Variants in PTCHD4 observed in about 807,000 individuals in gnomAD.
The protein encoded by PTCHD4 is patched domain containing 4.
Under a neutral mutation model 58.1 loss-of-function variants are expected in PTCHD4, and 33 were observed. The ratio of observed to expected loss-of-function variants is 0.57; its 90% confidence interval spans 0.43 to 0.76. The LOEUF (loss-of-function observed/expected upper bound fraction) is 0.76. PTCHD4 is among the 30% of genes least tolerant of loss of function. The pLI is 0.00. For synonymous variants in PTCHD4, 478 were observed against 409.6 expected (o/e 1.17, Z -2.02); for missense variants, 1,058 against 1,027.1 (o/e 1.03, Z -0.41).
At chr6:48,038,337 A>G (rs975139993) in intron 3 of PTCHD4, among the ~76,000 whole-genome samples, 2 of 152,056 alleles carry the variant, frequency 1.3e-5, no homozygotes, top group Admixed American at 1.3e-4. Context: ...GTTCTAAGGA[A>G]AGGAAGAAAG....
chr6:48,059,481 A>G (rs1764538443), intron 3 of PTCHD4, among the ~76,000 whole-genome samples: 1 of 152,060 alleles, frequency 6.6e-6, no homozygotes, highest in African/African-American at 2.4e-5. Flanking sequence ...TCTACTAAAA[A>G]TACAAAAATT....
rs1410037093 is a variant in PTCHD4, at chr6:47,994,397, C to T, written c.898+14237G>A. On this transcript the variant is annotated intron_variant, in intron 4 of 4. Transcript: ENST00000339488. The stretch of plus-strand genomic sequence containing the variant: ...AATTCCTCCTATATTGTCCTAGGCC[C>T]TCTACTAGTTGCCTGGGACACAAAA... Among the ~76,000 whole-genome samples, 6 of 152,288 alleles carry T rather than the reference C, an allele frequency of 3.9e-5. No individual in the cohort carries two copies. In the South Asian group the frequency reaches 1.2e-3, roughly 32 times the overall value.
chr6:48,042,222 T>G (rs1369831511), intron 3 of PTCHD4, among the ~76,000 whole-genome samples: 1 of 152,102 alleles, frequency 6.6e-6, no homozygotes, highest in South Asian at 2.1e-4. Flanking sequence ...ACCACTCACG[T>G]TGAGCAATTA....
chr6:47,901,597 G>A (rs1764706402), intron 4 of PTCHD4: 2 of 1,058,366 alleles, frequency 1.9e-6, no homozygotes, highest in Non-Finnish European at 2.3e-6. Flanking sequence ...AGTTTCCCAT[G>A]AGAGGAGTCA....
intron 4 of PTCHD4, among the ~76,000 whole-genome samples, chr6:47,968,819 G>C (rs1220158287): frequency 6.6e-6 from 1 of 152,116 alleles, no homozygotes; most frequent in Non-Finnish European, 1.5e-5. Flanking sequence ...ATGAAAATGA[G>C]AGAGAAAGAG....
intron 4 of PTCHD4, among the ~76,000 whole-genome samples, chr6:47,956,926 G>A (rs1766884924): frequency 6.6e-6 from 1 of 151,998 alleles, no homozygotes; most frequent in Non-Finnish European, 1.5e-5. Context: ...CACTTTGGGA[G>A]GCCGAGGAGG....
intron 1 of PTCHD4, among the ~76,000 whole-genome samples, chr6:48,073,845 G>T (rs879336128): frequency 4.6e-5 from 7 of 152,178 alleles, no homozygotes; most frequent in Admixed American, 1.3e-4. Context: ...TAACCTCCAG[G>T]GAGGCTGAAA....
intron 4 of PTCHD4, among the ~76,000 whole-genome samples, chr6:47,970,140 A>G (rs1407323582): frequency 6.6e-6 from 1 of 152,194 alleles, no homozygotes; most frequent in Non-Finnish European, 1.5e-5. Flanking sequence ...GGAAGCTACA[A>G]GAAGAGAAGG....
intron 4 of PTCHD4, among the ~76,000 whole-genome samples, chr6:47,927,050 G>A (rs1324149726): frequency 6.6e-6 from 1 of 151,998 alleles, no homozygotes; most frequent in African/African-American, 2.4e-5. Flanking sequence ...CAGGGAAGAG[G>A]CTGTACCCAC....
At chr6:48,065,361 T>C (rs1223285217) in intron 3 of PTCHD4, among the ~76,000 whole-genome samples, 1 of 152,100 alleles carries the variant, frequency 6.6e-6, no homozygotes. Context: ...TTGGTCAGAG[T>C]TGGGAAGAGT....
At chr6:48,042,916 T>A (rs1286583092) in intron 3 of PTCHD4, among the ~76,000 whole-genome samples, 1 of 151,914 alleles carries the variant, frequency 6.6e-6, no homozygotes. Context: ...CTAGGAATAG[T>A]AGCCAAAAAG....
chr6:48,002,658 T>C (rs1040635630), intron 4 of PTCHD4, among the ~76,000 whole-genome samples: 1 of 151,982 alleles, frequency 6.6e-6, no homozygotes, highest in African/African-American at 2.4e-5. Flanking sequence ...TACCTAATGT[T>C]AAATGACGAG....
chr6:47,904,140 C>T (rs1764801545), intron 4 of PTCHD4, among the ~76,000 whole-genome samples: 2 of 152,134 alleles, frequency 1.3e-5, no homozygotes, highest in African/African-American at 4.8e-5. Context: ...CCTTGCAAAT[C>T]ACAGCAAAGA....
chr6:47,996,931 T>C (rs144380982), intron 4 of PTCHD4, among the ~76,000 whole-genome samples: 1 of 152,364 alleles, frequency 6.6e-6, no homozygotes, highest in East Asian at 1.9e-4. Flanking sequence ...TGCTGTGAGC[T>C]AGTAAAATCA....
At chr6:47,902,427 A>G (rs1362263350) in intron 4 of PTCHD4, among the ~76,000 whole-genome samples, 1 of 152,170 alleles carries the variant, frequency 6.6e-6, no homozygotes, top group Non-Finnish European at 1.5e-5. Context: ...CCTACCCACT[A>G]TGTTCAAGGT....
At chr6:47,893,016 T>G (rs966624095) in intron 4 of PTCHD4, among the ~76,000 whole-genome samples, 1 of 152,222 alleles carries the variant, frequency 6.6e-6, no homozygotes, top group Non-Finnish European at 1.5e-5. Context: ...ATTAGAGATC[T>G]TTTTATTTTT....
Position 47,878,947 on chromosome 6 carries a change from A to G in PTCHD4, c.1888T>C (p.Ser630Pro). ...ATGAATCGGATGCTCTTTGAGAGGG[A>G]TAGGGGCCTCAGCTTTTCCAACACT... Reference protein sequence around the residue: ...TEVLEKLRPLSLSKSIRFIVF... With the variant: ...TEVLEKLRPLPLSKSIRFIVF... The change falls in exon 5 of 5, where the codon TCC (serine) becomes CCC (proline). Residue 630 changes from serine to proline, a missense_variant. Ser to Pro is a moderately conservative substitution (Grantham distance 74). Coordinates refer to ENST00000339488, the MANE Select transcript of PTCHD4 (RefSeq NM_001384253.1). The G allele has an allele frequency of 6.2e-7, 1 of 1,613,058 alleles. No homozygotes were observed. Among genetic ancestry groups the G allele is most frequent in the Non-Finnish European group, 8.5e-7 (1 of 1,179,756 alleles).
At chr6:48,010,921 T>C (rs751809984) in intron 3 of PTCHD4, among the ~76,000 whole-genome samples, 1 of 152,246 alleles carries the variant, frequency 6.6e-6, no homozygotes, top group Non-Finnish European at 1.5e-5. Flanking sequence ...TCCATTTTTA[T>C]GGCTGCATAG....
chr6:47,991,722 TTA>T (rs58669782), intron 4 of PTCHD4, among the ~76,000 whole-genome samples: 8,780 of 152,094 alleles, frequency 0.058, 418 homozygotes, highest in African/African-American at 0.13. Context: ...AAGCTATTTA[TTA>T]TATATAAAAG....
Sources: allele counts gnomAD v4.1 joint callset (sites outside exome capture counted in the v4.1 genomes callset), GRCh38; gene constraint gnomAD v4.1.1; transcripts MANE v1.5; gene names NCBI Gene and HGNC (gene_info 2026-07-23, HGNC 2026-07-21).